Variants in MALRD1 observed in about 807,000 individuals in gnomAD.
The protein encoded by MALRD1 is MAM and LDL receptor class A domain containing 1.
MALRD1 carries 247 observed loss-of-function variants against 242.1 expected under a neutral mutation model. The observed-to-expected ratio is 1.02, with a 90% CI of 0.92 to 1.13. The LOEUF (loss-of-function observed/expected upper bound fraction) is 1.13, where lower values mean the gene tolerates loss of function less well. Ranked by LOEUF, MALRD1 falls within the 50% of genes most tolerant of loss-of-function variation. The pLI is 0.00. For missense variants in MALRD1, 2,989 were observed against 2,533.1 expected (o/e 1.18, Z -3.86); for synonymous variants, 995 against 866.6 (o/e 1.15, Z -2.60).
At chr10:19,519,081 C>T (rs1332720841) in intron 31 of MALRD1, among the ~76,000 whole-genome samples, 1 of 152,080 alleles carries the variant, frequency 6.6e-6, no homozygotes, top group Admixed American at 6.5e-5. Context: ...GAAATATCCT[C>T]TTCATGTTTA....
At chr10:19,102,603 A>C (rs928403030) in intron 4 of MALRD1, among the ~76,000 whole-genome samples, 1 of 152,196 alleles carries the variant, frequency 6.6e-6, no homozygotes, top group South Asian at 2.1e-4. Context: ...TAAAATGTTT[A>C]TGTTGTAAAC....
At chr10:19,528,894 A>G (rs568502684) in intron 31 of MALRD1, among the ~76,000 whole-genome samples, 1 of 152,174 alleles carries the variant, frequency 6.6e-6, no homozygotes, top group South Asian at 2.1e-4. Flanking sequence ...GACACAGAGT[A>G]TCGTAACTTA....
intron 26 of MALRD1, among the ~76,000 whole-genome samples, chr10:19,380,244 G>C (rs1588991487): frequency 1.3e-5 from 2 of 150,434 alleles, no homozygotes; most frequent in African/African-American, 4.9e-5. Context: ...CAAAGTGCTA[G>C]GATTACAGGT....
chr10:19,370,359 T>C (rs1845321106), intron 26 of MALRD1, among the ~76,000 whole-genome samples: 1 of 152,166 alleles, frequency 6.6e-6, no homozygotes, highest in African/African-American at 2.4e-5. Context: ...ATGGGCATGA[T>C]ATATCTCTTC....
chr10:19,244,199 A>C (rs547008138), intron 18 of MALRD1, among the ~76,000 whole-genome samples: 1 of 152,270 alleles, frequency 6.6e-6, no homozygotes, highest in South Asian at 2.1e-4. Flanking sequence ...TTTAAACTGC[A>C]TTTATTCTTC....
At chr10:19,709,985 G>A (rs1010242027) in intron 38 of MALRD1, among the ~76,000 whole-genome samples, 3 of 152,210 alleles carry the variant, frequency 2.0e-5, no homozygotes, top group Non-Finnish European at 4.4e-5. Flanking sequence ...TGTTGGGCAG[G>A]TGCAAAATCA....
At position 19,731,492 on chromosome 10, in the gene MALRD1, T is replaced by TTGTGTGTGTGTG. The variant is rs199973822; in HGVS notation, c.6390+728_6390+739dup. 4.6e-3 allele frequency among the ~76,000 whole-genome samples: 673 copies of TTGTGTGTGTGTG among 146,978 alleles called. 8 individuals carry two copies. Among genetic ancestry groups the TTGTGTGTGTGTG allele is most frequent in the African/African-American group, 0.015 (614 of 40,288 alleles). ...TATCTATCACCTCACATAGTTTACT[T>TTGTGTGTGTGTG]TGTGTGTGTGTGTGTGTGTGTGTGT... is the stretch of plus-strand genomic sequence containing the variant. On this transcript the variant is annotated intron_variant, in intron 39 of 39. Transcript: ENST00000454679.
chr10:19,635,586 CAGA>C (rs1164943552), intron 36 of MALRD1, among the ~76,000 whole-genome samples: 8 of 151,952 alleles, frequency 5.3e-5, no homozygotes, highest in Admixed American at 2.6e-4. Context: ...TTAAAAAATA[CAGA>C]AGAACAGTGA....
intron 26 of MALRD1, among the ~76,000 whole-genome samples, chr10:19,371,061 A>G (rs10827327): frequency 0.78 from 111,288 of 142,544 alleles, 44,061 homozygotes; most frequent in African/African-American, 0.9. Flanking sequence ...ACCAGGCTGG[A>G]CAACATAGTG....
At chr10:19,608,916 A>G (rs1838759991) in intron 35 of MALRD1, among the ~76,000 whole-genome samples, 3 of 152,050 alleles carry the variant, frequency 2.0e-5, no homozygotes, top group Non-Finnish European at 4.4e-5. Flanking sequence ...CAGATGAGAT[A>G]CCAGTATTAT....
chr10:19,389,270 G>GAAATTGTTCTGTCAGC (rs1846229272), intron 27 of MALRD1, 182 bp from the exon 28 acceptor site: 1 of 722,926 alleles, frequency 1.4e-6, no homozygotes, highest in African/African-American at 1.7e-5. Context: ...CAGACAGTTG[G>GAAATTGTTCTGTCAGC]AAATTGTTCT....
chr10:19,443,207 T>A (rs917737089), intron 28 of MALRD1, among the ~76,000 whole-genome samples: 3 of 152,180 alleles, frequency 2.0e-5, no homozygotes, highest in Non-Finnish European at 4.4e-5. Flanking sequence ...GATTCTTCTC[T>A]CTTTTCTTCT....
chr10:19,568,622 A>T (rs994148440), intron 33 of MALRD1, among the ~76,000 whole-genome samples: 2 of 152,048 alleles, frequency 1.3e-5, no homozygotes, highest in African/African-American at 4.8e-5. Flanking sequence ...AAAATCTCAT[A>T]TAATCACCAC....
intron 29 of MALRD1, among the ~76,000 whole-genome samples, chr10:19,482,634 A>G (rs902723805): frequency 4.1e-5 from 6 of 144,714 alleles, no homozygotes; most frequent in Admixed American, 1.4e-4. Context: ...TAAAGAGCAC[A>G]ATCCCATTTA....
At chr10:19,379,099 A>G (rs1357990102) in intron 26 of MALRD1, among the ~76,000 whole-genome samples, 1 of 152,080 alleles carries the variant, frequency 6.6e-6, no homozygotes, top group Non-Finnish European at 1.5e-5. Flanking sequence ...CTTGCTCATA[A>G]TAATCCTTTA....
intron 26 of MALRD1, among the ~76,000 whole-genome samples, chr10:19,358,632 G>A (rs1009607783): frequency 1.3e-5 from 2 of 152,056 alleles, no homozygotes; most frequent in African/African-American, 4.8e-5. Flanking sequence ...CTATCTTTAC[G>A]TTCTGTACCA....
At chr10:19,704,704 C>G (rs893669101) in intron 38 of MALRD1, among the ~76,000 whole-genome samples, 7 of 152,160 alleles carry the variant, frequency 4.6e-5, no homozygotes, top group Non-Finnish European at 8.8e-5. Context: ...AAATAATACC[C>G]TCACTTTCTG....
chr10:19,483,337 A>G (rs1837096583), intron 29 of MALRD1, among the ~76,000 whole-genome samples: 1 of 152,192 alleles, frequency 6.6e-6, no homozygotes, highest in Non-Finnish European at 1.5e-5. Context: ...GCTTCTGCAC[A>G]GCAAAAGAAA....
chr10:19,438,081 A>G (rs996588963), intron 28 of MALRD1, among the ~76,000 whole-genome samples: 1 of 151,986 alleles, frequency 6.6e-6, no homozygotes, highest in East Asian at 1.9e-4. Flanking sequence ...TTCATCTTGC[A>G]AAACTGAAAT....
Sources: gnomAD v4.1 joint callset for allele counts (sites outside exome capture counted in the v4.1 genomes callset) on GRCh38, gnomAD v4.1.1 for gene constraint, MANE v1.5 for transcripts, NCBI Gene and HGNC (gene_info 2026-07-23, HGNC 2026-07-21) for gene names.